BCL7A: variants seen among roughly 807,000 people sequenced by gnomAD.
The protein encoded by BCL7A is BAF chromatin remodeling complex subunit BCL7A, also known as B-cell CLL/lymphoma 7 protein family member A.
Under a neutral mutation model 28.4 loss-of-function variants are expected in BCL7A, and 11 were observed. The ratio of observed to expected loss-of-function variants is 0.39; its 90% CI spans 0.24 to 0.64. The LOEUF is 0.64. BCL7A is among the 30% of genes least tolerant of loss of function. The pLI, the probability that BCL7A is intolerant of heterozygous loss-of-function variation, is 0.50. For synonymous variants in BCL7A, 123 were observed against 103.3 expected (o/e 1.19, Z -1.15); for missense variants, 222 against 274.8 (o/e 0.81, Z 1.36).
intron 3 of BCL7A, among the ~76,000 whole-genome samples, chr12:122,041,037 G>C (rs764581539): frequency 4.0e-5 from 6 of 150,710 alleles, no homozygotes; most frequent in Non-Finnish European, 8.9e-5. Flanking sequence ...TTTTTTTTAA[G>C]TCCCAGAATT....
At chr12:122,040,887 C>T (rs1217603586) in intron 3 of BCL7A, among the ~76,000 whole-genome samples, 3 of 152,148 alleles carry the variant, frequency 2.0e-5, no homozygotes, top group Non-Finnish European at 4.4e-5. Context: ...CTAGACCAGA[C>T]GTTAAACATT....
At chr12:122,054,963 G>A (rs769715256) in intron 5 of BCL7A, 37 bp downstream of exon 5, 32 of 1,613,912 alleles carry the variant, frequency 2.0e-5, no homozygotes, top group Non-Finnish European at 2.5e-5. Context: ...CAGCCAGATC[G>A]GCCGGGAGCC....
At chr12:122,043,729 C>G (rs1180690057) in intron 3 of BCL7A, among the ~76,000 whole-genome samples, 157 bp from the exon 4 acceptor site, 1 of 144,336 alleles carries the variant, frequency 6.9e-6, no homozygotes, top group Non-Finnish European at 1.5e-5. Flanking sequence ...AGAGCGAGAT[C>G]CGTCTCAAAA....
At chr12:122,026,962 T>A (rs1883641648) in intron 1 of BCL7A, among the ~76,000 whole-genome samples, 2 of 152,310 alleles carry the variant, frequency 1.3e-5, no homozygotes, top group Non-Finnish European at 1.5e-5. Flanking sequence ...TGCTGGGACC[T>A]CATTTTTTCC....
intron 1 of BCL7A, among the ~76,000 whole-genome samples, chr12:122,022,901 C>T (rs920525103): frequency 2.6e-5 from 4 of 151,996 alleles, no homozygotes; most frequent in South Asian, 2.1e-4. Context: ...CGCGGCGCCC[C>T]GGGCGGGGGG....
intron 1 of BCL7A, among the ~76,000 whole-genome samples, chr12:122,024,088 G>A (rs1384257679): frequency 6.6e-6 from 1 of 152,300 alleles, no homozygotes; most frequent in East Asian, 1.9e-4. Context: ...CCCCGGGGCG[G>A]CCGGCCTGGA....
intron 1 of BCL7A, among the ~76,000 whole-genome samples, chr12:122,025,901 C>T (rs1156292682): frequency 2.2e-5 from 3 of 136,792 alleles, no homozygotes; most frequent in Admixed American, 7.8e-5. Flanking sequence ...AAGCCGAGAT[C>T]GCGCCACTGC....
chr12:122,022,963 T>A (rs1883504411), intron 1 of BCL7A, among the ~76,000 whole-genome samples: 1 of 152,246 alleles, frequency 6.6e-6, no homozygotes, highest in East Asian at 1.9e-4. Context: ...GGGCCGCGGC[T>A]GCCTCTCCAC....
intron 1 of BCL7A, among the ~76,000 whole-genome samples, chr12:122,023,370 C>A (rs577713456): frequency 6.6e-5 from 10 of 152,310 alleles, no homozygotes; most frequent in Non-Finnish European, 1.3e-4. Flanking sequence ...TGGGCAGGCC[C>A]TGTGGCAGGG....
At position 122,022,143 on chromosome 12, in the gene BCL7A, A is replaced by C. The variant is rs1382095795; in HGVS notation, c.52A>C (p.Ile18Leu). 3 of 1,578,442 alleles carry C rather than the reference A, an allele frequency of 1.9e-6. No individual in the cohort carries two copies. The highest frequency in any genetic ancestry group is 2.8e-5 in the African/African-American group (2 of 71,874). The change falls in exon 1 of 6, where the codon ATC (isoleucine) becomes CTC (leucine). Residue 18 changes from isoleucine (I) to leucine (L), a missense_variant. Transcript: ENST00000261822. ...GACGAGGAGCCGGGCCAAAGATGAT[A>C]TCAAGAGGGTCATGGCGGCGATCGA... The part of the protein sequence containing the change: ...AETRSRAKDD[I>L]KRVMAAIEKV...
chr12:122,037,581 G>T (rs1204193527), intron 3 of BCL7A, among the ~76,000 whole-genome samples: 1 of 152,190 alleles, frequency 6.6e-6, no homozygotes, highest in South Asian at 2.1e-4. Context: ...ACTTTGGGAG[G>T]CTGAGGCAGG....
At chr12:122,052,601 CAT>C (rs1412751661) in intron 4 of BCL7A, among the ~76,000 whole-genome samples, 4 of 152,102 alleles carry the variant, frequency 2.6e-5, no homozygotes, top group African/African-American at 4.8e-5. Flanking sequence ...TAAATGGAAT[CAT>C]ATACTCTGTG....
rs374749184 is a variant in BCL7A at position 122,060,388 on chromosome 12, C to A, written c.*1225C>A. ...GCCTCGAAGGCCACAAACAAGGCGT[C>A]GAGGAATTGGAAAGATTTGCACACC... On this transcript the variant is annotated 3_prime_UTR_variant, in exon 6 of 6. Coordinates refer to ENST00000261822, the MANE Select transcript of BCL7A (RefSeq NM_001024808.3). 5.2e-5 allele frequency: 12 copies of A among 232,988 alleles called. No individual in the cohort carries two copies. The East Asian group carries it at 6.1e-4, about 12-fold the overall frequency. The allele number at this position is 232,988 out of a possible 1,614,324, so 14.4% of individuals were successfully genotyped here.
intron 1 of BCL7A, among the ~76,000 whole-genome samples, chr12:122,024,258 C>A (rs527304593): frequency 6.6e-6 from 1 of 152,306 alleles, no homozygotes; most frequent in Non-Finnish European, 1.5e-5. Context: ...CACTTCGTTG[C>A]CGCGACCTTG....
Position 122,054,377 on chromosome 12 carries a change from G to A in BCL7A, c.440-428G>A, listed in dbSNP as rs557717915. ...GCTGGGATTACAGGCCTGAGCCACC[G>A]TGCCCGGCCAAATACCCATATTATT... On this transcript the variant is annotated intron_variant, in intron 4 of 5. Coordinates refer to ENST00000261822, the MANE Select transcript of BCL7A (RefSeq NM_001024808.3). 2.0e-5 allele frequency among the ~76,000 whole-genome samples: 3 copies of A among 152,326 alleles called. No individual in the cohort carries two copies. In the South Asian group the frequency reaches 6.2e-4, roughly 32 times the overall value.
chr12:122,022,557 C>T (rs1593019350), intron 1 of BCL7A, among the ~76,000 whole-genome samples: 1 of 145,090 alleles, frequency 6.9e-6, no homozygotes, highest in African/African-American at 2.5e-5. Context: ...CACATGAAAG[C>T]GGCTTCCCGC....
intron 4 of BCL7A, among the ~76,000 whole-genome samples, chr12:122,049,520 A>G (rs1263488998): frequency 1.3e-5 from 2 of 152,046 alleles, no homozygotes; most frequent in East Asian, 3.9e-4. Context: ...CATCTCTACT[A>G]AAAATACAAA....
rs1555222283 is a variant in BCL7A at position 122,021,957 on chromosome 12, T to TGAGAGA, written c.-132_-131insAGAGAG. The TGAGAGA allele has an allele frequency of 2.2e-5, 13 of 583,976 alleles. No individual in the cohort carries two copies. The highest frequency in any genetic ancestry group is 5.6e-5 in the South Asian group (3 of 53,258). 36.2% of individuals were successfully genotyped at this position (583,976 alleles called of 1,614,324 possible). ...GTGTGTGTGTGTGTGTGTGTGTGTG[T>TGAGAGA]GAGTGTGTGCGTGTGAGAGTGCGAG... On this transcript the variant is annotated 5_prime_UTR_variant, in exon 1 of 6. Coordinates refer to ENST00000261822, the MANE Select transcript of BCL7A (RefSeq NM_001024808.3).
chr12:122,030,897 C>T, intron 2 of BCL7A, 116 bp downstream of exon 2: 1 of 1,075,538 alleles, frequency 9.3e-7, no homozygotes, highest in Non-Finnish European at 1.4e-6. Context: ...CCAAGAGCCC[C>T]TGGGAGTAGA....
Sources: allele counts gnomAD v4.1 joint callset (sites outside exome capture counted in the v4.1 genomes callset), GRCh38; gene constraint gnomAD v4.1.1; transcripts MANE v1.5; gene names NCBI Gene and HGNC (gene_info 2026-07-23, HGNC 2026-07-21).